Variants in CPPED1 observed in about 807,000 individuals in gnomAD.
CPPED1 encodes serine/threonine-protein phosphatase CPPED1.
Under a neutral mutation model 28.0 loss-of-function variants are expected in CPPED1, and 28 were observed. That is an observed-to-expected ratio of 1.00 (90% confidence interval 0.74 to 1.37). CPPED1 has a LOEUF of 1.37. CPPED1 is among the 40% of genes most tolerant of loss of function. The probability of loss-of-function intolerance (pLI) is 0.00; values close to 1 mark genes in which losing one functional copy is unlikely to be tolerated. For missense variants in CPPED1, 504 were observed against 416.5 expected (o/e 1.21, Z -1.83); for synonymous variants, 198 against 180.2 (o/e 1.10, Z -0.79).
At chr16:12,773,873 C>T (rs1197222135) in intron 2 of CPPED1, among the ~76,000 whole-genome samples, 1 of 152,204 alleles carries the variant, frequency 6.6e-6, no homozygotes, top group Non-Finnish European at 1.5e-5. Flanking sequence ...CATTTTGTTA[C>T]ACCTATTCAC....
At chr16:12,750,358 C>G (rs1220219328) in intron 2 of CPPED1, among the ~76,000 whole-genome samples, 5 of 152,302 alleles carry the variant, frequency 3.3e-5, no homozygotes, top group Admixed American at 2.6e-4. Context: ...GGATGTATGA[C>G]TCTTCCTTTC....
chr16:12,782,505 C>T (rs1019248398), intron 1 of CPPED1, among the ~76,000 whole-genome samples: 13 of 150,610 alleles, frequency 8.6e-5, no homozygotes, highest in Admixed American at 2.6e-4. Flanking sequence ...GGCCTGCTAG[C>T]GCTTAGTGGT....
intron 1 of CPPED1, among the ~76,000 whole-genome samples, chr16:12,801,413 G>A (rs1187536637): frequency 6.6e-6 from 1 of 151,780 alleles, no homozygotes; most frequent in South Asian, 2.1e-4. Context: ...ATATAGGCGT[G>A]AGCCACCGCA....
At chr16:12,756,299 G>A (rs775201940) in intron 2 of CPPED1, among the ~76,000 whole-genome samples, 21 of 152,162 alleles carry the variant, frequency 1.4e-4, no homozygotes, top group Non-Finnish European at 2.5e-4. Context: ...AAATTCACAA[G>A]GGCAAAATGC....
chr16:12,746,257 C>T (rs541578951), intron 2 of CPPED1, among the ~76,000 whole-genome samples: 2 of 152,064 alleles, frequency 1.3e-5, no homozygotes, highest in Admixed American at 6.6e-5. Context: ...CACCTGTAAT[C>T]CCAGCTACTT....
chr16:12,732,411 A>G (rs1276681178), intron 2 of CPPED1, among the ~76,000 whole-genome samples: 1 of 151,480 alleles, frequency 6.6e-6, no homozygotes, highest in Non-Finnish European at 1.5e-5. Context: ...TTTGTAGACT[A>G]TGAGTACCAC....
chr16:12,735,602 C>T (rs28639978), intron 2 of CPPED1, among the ~76,000 whole-genome samples: 3 of 152,200 alleles, frequency 2.0e-5, no homozygotes, highest in African/African-American at 7.2e-5. Context: ...CCGTGCCTGG[C>T]ACCCTAAAGA....
At chr16:12,761,486 A>G (rs372027444) in intron 2 of CPPED1, among the ~76,000 whole-genome samples, 11 of 152,238 alleles carry the variant, frequency 7.2e-5, no homozygotes, top group African/African-American at 1.9e-4. Flanking sequence ...TTGTGGCTCT[A>G]TACTATGACG....
intron 1 of CPPED1, among the ~76,000 whole-genome samples, chr16:12,783,224 G>T (rs1350618205): frequency 6.6e-6 from 1 of 152,186 alleles, no homozygotes; most frequent in Non-Finnish European, 1.5e-5. Flanking sequence ...GACAGACAGG[G>T]CCAGGCGCCA....
chr16:12,665,523 G>A (rs2079820771), intron 3 of CPPED1, among the ~76,000 whole-genome samples: 1 of 152,192 alleles, frequency 6.6e-6, no homozygotes, highest in African/African-American at 2.4e-5. Context: ...CAGGGATGGT[G>A]GCTCATGCCT....
intron 2 of CPPED1, among the ~76,000 whole-genome samples, chr16:12,775,892 C>A (rs1393289984): frequency 6.6e-5 from 10 of 152,200 alleles, no homozygotes; most frequent in Non-Finnish European, 1.5e-4. Flanking sequence ...AAGATAGTAA[C>A]ACAGTTCCTG....
chr16:12,777,888 CT>C (rs1251956367), intron 2 of CPPED1, among the ~76,000 whole-genome samples: 54 of 144,662 alleles, frequency 3.7e-4, no homozygotes, highest in African/African-American at 1.3e-3. Flanking sequence ...AATGAAAGTT[CT>C]TTTTTTCTAT....
At chr16:12,708,109 T>C (rs1188423469) in intron 2 of CPPED1, among the ~76,000 whole-genome samples, 1 of 152,190 alleles carries the variant, frequency 6.6e-6, no homozygotes, top group Non-Finnish European at 1.5e-5. Flanking sequence ...ACCGTGCCAC[T>C]GCACTCCAGC....
At chr16:12,791,548 C>T (rs1042648623) in intron 1 of CPPED1, among the ~76,000 whole-genome samples, 2 of 152,188 alleles carry the variant, frequency 1.3e-5, no homozygotes, top group South Asian at 2.1e-4. Context: ...CATCATTCCA[C>T]GTCTACAACA....
At chr16:12,766,256 T>TATATATAGAGAGAG in intron 2 of CPPED1, among the ~76,000 whole-genome samples, 3 of 134,250 alleles carry the variant, frequency 2.2e-5, no homozygotes, top group African/African-American at 1.0e-4. Context: ...TATATATATA[T>TATATATAGAGAGAG]AGAGAGAGAG....
intron 1 of CPPED1, among the ~76,000 whole-genome samples, chr16:12,787,028 G>T (rs912832980): frequency 6.6e-6 from 1 of 152,160 alleles, no homozygotes; most frequent in African/African-American, 2.4e-5. Flanking sequence ...ACACATGTAT[G>T]TGTACACCCA....
At chr16:12,672,838 AC>A (rs1237099818) in intron 3 of CPPED1, among the ~76,000 whole-genome samples, 13 of 151,948 alleles carry the variant, frequency 8.6e-5, no homozygotes, top group Non-Finnish European at 1.5e-5. Flanking sequence ...AGATGGCAAA[AC>A]CCCATCTCTA....
At chr16:12,712,312 C>T (rs929147277) in intron 2 of CPPED1, among the ~76,000 whole-genome samples, 38 of 152,306 alleles carry the variant, frequency 2.5e-4, no homozygotes, top group African/African-American at 8.7e-4. Context: ...AGGGCATCAA[C>T]TATATGGTTA....
rs932550605 is a variant in CPPED1 at position 12,661,397 on chromosome 16, A to AT, written c.*3488dup. On this transcript the variant is annotated 3_prime_UTR_variant, in exon 4 of 4. Coordinates refer to ENST00000381774, the MANE Select transcript of CPPED1 (RefSeq NM_018340.3). ...TTGCTAGTCCCATAAAGCTTACTAC[A>AT]TTTTTTCCCCATTCTCCCCAAACTT... 1 of 152,126 alleles carries AT rather than the reference A, an allele frequency of 6.6e-6. No homozygotes were observed. Among genetic ancestry groups the AT allele is most frequent in the African/African-American group, 2.4e-5 (1 of 41,420 alleles). 9.4% of individuals were successfully genotyped at this position (152,126 alleles called of 1,614,324 possible).
Sources: allele counts gnomAD v4.1 joint callset (sites outside exome capture counted in the v4.1 genomes callset), GRCh38; gene constraint gnomAD v4.1.1; transcripts MANE v1.5; gene names NCBI Gene and HGNC (gene_info 2026-07-23, HGNC 2026-07-21).